The following TSNARE1 variants were observed in gnomAD, a reference collection of about 807,000 sequenced individuals.
TSNARE1 encodes t-SNARE domain containing 1.
In TSNARE1, 49 loss-of-function variants were observed where a neutral mutation model predicts 62.0. The observed-to-expected ratio is 0.79, with a 90% CI of 0.63 to 1.00. The LOEUF (loss-of-function observed/expected upper bound fraction) is 1.00, where lower values mean the gene tolerates loss of function less well. Among genes scored for constraint, TSNARE1 ranks in the 50% least tolerant of loss-of-function variants. The probability of loss-of-function intolerance (pLI) is 0.00; values close to 1 mark genes in which losing one functional copy is unlikely to be tolerated. For missense variants in TSNARE1, 755 were observed against 700.1 expected (o/e 1.08, Z -0.88); for synonymous variants, 328 against 294.4 (o/e 1.11, Z -1.17).
chr8:142,213,880 C>T (rs1815694694), intron 13 of TSNARE1, among the ~76,000 whole-genome samples: 1 of 152,118 alleles, frequency 6.6e-6, no homozygotes, highest in Non-Finnish European at 1.5e-5. Context: ...CCATCAGAGC[C>T]CAGCCCCCCA....
intron 6 of TSNARE1, among the ~76,000 whole-genome samples, chr8:142,328,823 G>T (rs1336036538): frequency 7.9e-6 from 1 of 126,310 alleles, no homozygotes; most frequent in African/African-American, 3.0e-5. Context: ...GCCTTTGGGG[G>T]GGGGGAGGGT....
At chr8:142,331,022 CT>C in intron 5 of TSNARE1, 52 bp from the exon 6 acceptor site, 1 of 1,552,024 alleles carries the variant, frequency 6.4e-7, no homozygotes, top group Non-Finnish European at 8.9e-7. Flanking sequence ...TCCCTGCCCC[CT>C]GCTACTCCAT....
chr8:142,248,552 G>A (rs1309427376), intron 12 of TSNARE1, among the ~76,000 whole-genome samples: 2 of 152,222 alleles, frequency 1.3e-5, no homozygotes, highest in East Asian at 3.8e-4. Context: ...CTTCCCAAAT[G>A]CTGCCCTGTG....
At chr8:142,314,286 G>A in intron 9 of TSNARE1, 98 bp downstream of exon 9, 1 of 1,167,860 alleles carries the variant, frequency 8.6e-7, no homozygotes, top group Non-Finnish European at 1.2e-6. Context: ...TGACACCCCT[G>A]CCCTTGGCCC....
chr8:142,277,422 C>T, intron 11 of TSNARE1: 1 of 985,438 alleles, frequency 1.0e-6, no homozygotes. Context: ...CTCGCTGCCC[C>T]CAGCCCCACA....
chr8:142,277,480 G>A (rs1820694149), intron 11 of TSNARE1: 1 of 985,456 alleles, frequency 1.0e-6, no homozygotes, highest in Non-Finnish European at 1.2e-6. Flanking sequence ...CCCAGGCAGT[G>A]CCGCTGCAGA....
At chr8:142,311,304 T>G (rs565049256) in intron 9 of TSNARE1, among the ~76,000 whole-genome samples, 1 of 139,780 alleles carries the variant, frequency 7.2e-6, no homozygotes, top group Admixed American at 7.1e-5. Flanking sequence ...TTTTTTTTTT[T>G]TTTTTTTTTT....
At chr8:142,269,509 T>C in intron 12 of TSNARE1, 3 of 985,416 alleles carry the variant, frequency 3.0e-6, no homozygotes, top group Non-Finnish European at 3.6e-6. Flanking sequence ...CTTTATTTTC[T>C]GTAGAAGCAA....
intron 12 of TSNARE1, among the ~76,000 whole-genome samples, chr8:142,263,183 T>C (rs1268735008): frequency 2.6e-5 from 4 of 152,230 alleles, no homozygotes; most frequent in Non-Finnish European, 5.9e-5. Flanking sequence ...GTTAAGAAAA[T>C]TCTTGCCTTT....
intron 1 of TSNARE1, among the ~76,000 whole-genome samples, chr8:142,362,240 G>A (rs898397315): frequency 2.0e-5 from 3 of 152,236 alleles, no homozygotes; most frequent in Non-Finnish European, 4.4e-5. Context: ...GGAAGAGACA[G>A]AACCAGGACC....
At chr8:142,363,181 C>T (rs915819664) in intron 1 of TSNARE1, among the ~76,000 whole-genome samples, 2 of 152,146 alleles carry the variant, frequency 1.3e-5, no homozygotes, top group East Asian at 3.9e-4. Context: ...GATGGCCCTA[C>T]GGGTAGAGCC....
chr8:142,279,835 C>A (rs931281887), intron 11 of TSNARE1: 2 of 1,014,034 alleles, frequency 2.0e-6, no homozygotes, highest in Non-Finnish European at 2.4e-6. Flanking sequence ...TCCGGGGGGG[C>A]GGGCTGTGGG....
At chr8:142,223,039 C>CTCATTCACTCACTCAT (rs1554624309) in intron 13 of TSNARE1, among the ~76,000 whole-genome samples, 7 of 92,424 alleles carry the variant, frequency 7.6e-5, no homozygotes, top group African/African-American at 2.3e-4. Flanking sequence ...CACTCATTCA[C>CTCATTCACTCACTCAT]TCACTCACTC....
chr8:142,249,031 C>T (rs2130261140), intron 12 of TSNARE1, among the ~76,000 whole-genome samples: 1 of 152,332 alleles, frequency 6.6e-6, no homozygotes, highest in African/African-American at 2.4e-5. Flanking sequence ...GCCTGAGTCT[C>T]CATCAGTAAT....
chr8:142,287,168 C>T (rs899132334), intron 10 of TSNARE1, among the ~76,000 whole-genome samples: 1 of 151,508 alleles, frequency 6.6e-6, no homozygotes, highest in Non-Finnish European at 1.5e-5. Flanking sequence ...CAGTGGGCCG[C>T]CCTCCAGGTC....
At chr8:142,379,032 T>C (rs532431013) in intron 1 of TSNARE1, among the ~76,000 whole-genome samples, 1 of 152,264 alleles carries the variant, frequency 6.6e-6, no homozygotes, top group East Asian at 1.9e-4. Flanking sequence ...CATGCCAGCC[T>C]TGGGAGGACT....
rs570493495 is a variant in TSNARE1, at chr8:142,334,832, T to C, written c.746-3001A>G. 2.1e-4 allele frequency among the ~76,000 whole-genome samples: 32 copies of C among 152,242 alleles called. No individual in the cohort carries two copies. In the South Asian group the frequency reaches 6.0e-3, roughly 29 times the overall value. ...TGGACGGAAAAACCTGCAACTAGAA[T>C]TCTACACCCACTGGAAACAGATTTC... On this transcript the variant is annotated intron_variant, in intron 4 of 13. Transcript: ENST00000524325.
At chr8:142,219,747 A>G (rs1816117027) in intron 13 of TSNARE1, among the ~76,000 whole-genome samples, 1 of 152,140 alleles carries the variant, frequency 6.6e-6, no homozygotes, top group Non-Finnish European at 1.5e-5. Flanking sequence ...AGCCCTGCCT[A>G]TGAGGATGGC....
intron 11 of TSNARE1, chr8:142,280,349 A>AGGGGGCAGAGACCCTGGG (rs1821213352): frequency 1.0e-6 from 1 of 984,326 alleles, no homozygotes; most frequent in African/African-American, 1.7e-5. Context: ...GAGGCTGAGC[A>AGGGGGCAGAGACCCTGGG]GGGGGCAGAG....
Sources: gnomAD v4.1 joint callset for allele counts (sites outside exome capture counted in the v4.1 genomes callset) on GRCh38, gnomAD v4.1.1 for gene constraint, MANE v1.5 for transcripts, NCBI Gene and HGNC (gene_info 2026-07-23, HGNC 2026-07-21) for gene names.